NIPBL: variants seen among roughly 807,000 people sequenced by gnomAD.
The protein encoded by NIPBL is nipped-B-like protein.
In NIPBL, 19 loss-of-function variants were observed where a neutral mutation model predicts 321.8. The ratio of observed to expected loss-of-function variants is 0.06; its 90% CI spans 0.04 to 0.09. NIPBL has a LOEUF of 0.09. NIPBL is among the 10% of genes least tolerant of loss of function. The pLI, the probability that NIPBL is intolerant of heterozygous loss-of-function variation, is 1.00. For missense variants in NIPBL, 2,210 were observed against 3,327.0 expected, an observed-to-expected ratio of 0.66 and a Z score of 8.26; for synonymous variants, 1,106 against 1,114.1, an observed-to-expected ratio of 0.99 and a Z score of 0.14.
chr5:36,929,014 G>T (rs1338089584), intron 1 of NIPBL, among the ~76,000 whole-genome samples: 4 of 151,886 alleles, frequency 2.6e-5, no homozygotes, highest in African/African-American at 9.7e-5. Flanking sequence ...ATTTATCTTG[G>T]ATACATTCCT....
chr5:36,977,724 C>T (rs1038553625), intron 9 of NIPBL, among the ~76,000 whole-genome samples: 1 of 151,248 alleles, frequency 6.6e-6, no homozygotes, highest in African/African-American at 2.4e-5. Flanking sequence ...GATCATAGTA[C>T]CCATTAGATA....
At chr5:36,952,828 A>G (rs1483893911) in intron 1 of NIPBL, among the ~76,000 whole-genome samples, 3 of 152,230 alleles carry the variant, frequency 2.0e-5, no homozygotes, top group Non-Finnish European at 2.9e-5. Flanking sequence ...ATGAACATTA[A>G]GTAATCGTGC....
intron 33 of NIPBL, among the ~76,000 whole-genome samples, chr5:37,037,586 C>A (rs1461767101): frequency 6.7e-6 from 1 of 150,328 alleles, no homozygotes; most frequent in African/African-American, 2.4e-5. Flanking sequence ...CCATTTATGG[C>A]ACCTACGGAA....
chr5:37,052,022 A>T (rs980862039), intron 41 of NIPBL, 136 bp downstream of exon 41: 1 of 738,334 alleles, frequency 1.4e-6, no homozygotes, highest in Non-Finnish European at 2.4e-6. Flanking sequence ...ACATGCAACT[A>T]AGTTAGTCTT....
intron 1 of NIPBL, among the ~76,000 whole-genome samples, chr5:36,930,033 C>T (rs1193080802): frequency 6.6e-6 from 1 of 151,746 alleles, no homozygotes; most frequent in Non-Finnish European, 1.5e-5. Flanking sequence ...CAACTTTTTT[C>T]TTCACTAAAT....
intron 44 of NIPBL, among the ~76,000 whole-genome samples, chr5:37,060,325 A>AT: frequency 6.6e-6 from 1 of 152,022 alleles, no homozygotes; most frequent in Admixed American, 6.6e-5. Flanking sequence ...CACCCAGCTA[A>AT]TTTTTTTTAT....
At position 36,984,908 on chromosome 5, in the gene NIPBL, A is replaced by G. The variant is rs752980414; in HGVS notation, c.1728A>G (p.Ala576=). The G allele has an allele frequency of 2.5e-6, 4 of 1,613,874 alleles. No individual in the cohort carries two copies. Among genetic ancestry groups the G allele is most frequent in the Non-Finnish European group, 3.4e-6 (4 of 1,179,890 alleles). ...KPEEIKQCND[A]PVSVLQEDIV... ...AAGAAATCAAACAATGTAATGATGC[A>G]CCTGTTTCTGTTCTTCAGGAAGATA... is the stretch of plus-strand genomic sequence containing the variant. The change falls in exon 10 of 47, where the codon GCA becomes GCG. Residue 576 remains alanine (A), a synonymous_variant. Coordinates refer to ENST00000282516, the MANE Select transcript of NIPBL (RefSeq NM_133433.4).
In NIPBL at chr5:37,052,426, C is replaced by A. The variant is rs1753663268; in HGVS notation, c.7123C>A (p.Leu2375Ile). 3 of 1,613,932 alleles carry A rather than the reference C, an allele frequency of 1.9e-6. No individual in the cohort carries two copies. Among genetic ancestry groups the A allele is most frequent in the Non-Finnish European group, 2.5e-6 (3 of 1,179,990 alleles). Residue 2375 changes from leucine (L) to isoleucine (I), a missense_variant, in exon 42 of 47, where the codon CTA (leucine) becomes ATA (isoleucine). By Grantham distance (5) the Leu-to-Ile change is conservative. Transcript: ENST00000282516. ...YQVQQAINTC[L>I]KDPVRGFRQD... Reference sequence around the variant, plus strand: ...GGTACAACAGGCAATCAACACATGCCTAAAAGATCCTGTAAGGGGTTTCAG... The same window carrying A: ...GGTACAACAGGCAATCAACACATGCATAAAAGATCCTGTAAGGGGTTTCAG...
chr5:36,941,302 G>A (rs1466949383), intron 1 of NIPBL, among the ~76,000 whole-genome samples: 2 of 151,944 alleles, frequency 1.3e-5, no homozygotes. Context: ...CATAATTTTA[G>A]AAACCGATCT....
At chr5:36,877,409 G>A (rs146872847) in intron 1 of NIPBL, among the ~76,000 whole-genome samples, 514 of 152,326 alleles carry the variant, frequency 3.4e-3, no homozygotes, top group African/African-American at 0.012. Flanking sequence ...CTGGGCGGCC[G>A]GGGAGGCGTA....
In NIPBL at chr5:37,048,561, A is replaced by C. The variant is rs1287039244; in HGVS notation, c.6649A>C (p.Asn2217His). ...CGAGCAAGAAGTGAAGAATCTATAT[A>C]ATAATATTTTATCTGATAAGAACTC... ...MFEQEVKNLYNNILSDKNSSV... is the reference protein window; with the variant it reads ...MFEQEVKNLYHNILSDKNSSV... The change falls in exon 39 of 47, where the codon AAT becomes CAT. Residue 2217 changes from asparagine to histidine, a missense_variant. Around this residue, in one of 14 missense-constraint regions of NIPBL, gnomAD observed 40 missense variants for 55.3 expected, o/e 0.72. Transcript: ENST00000282516. The C allele has an allele frequency of 6.3e-7, 1 of 1,590,172 alleles. No homozygotes were observed. Among genetic ancestry groups the C allele is most frequent in the Admixed American group, 1.7e-5 (1 of 58,560 alleles).
chr5:36,914,047 G>A (rs1163413384), intron 1 of NIPBL, among the ~76,000 whole-genome samples: 1 of 152,194 alleles, frequency 6.6e-6, no homozygotes, highest in Non-Finnish European at 1.5e-5. Context: ...TTCTGACAGT[G>A]TATATCTGTA....
intron 1 of NIPBL, among the ~76,000 whole-genome samples, chr5:36,923,165 G>A (rs1028831719): frequency 1.3e-5 from 2 of 151,862 alleles, no homozygotes; most frequent in East Asian, 1.9e-4. Context: ...AATTAGCTGG[G>A]TGTGGTGGCG....
intron 2 of NIPBL, among the ~76,000 whole-genome samples, chr5:36,954,605 T>G (rs1472107707): frequency 6.6e-6 from 1 of 152,216 alleles, no homozygotes; most frequent in South Asian, 2.1e-4. Context: ...CAGGAATTTC[T>G]TTTTGGTTTT....
chr5:37,028,676 A>C (rs1750604319), intron 32 of NIPBL, among the ~76,000 whole-genome samples: 1 of 152,156 alleles, frequency 6.6e-6, no homozygotes, highest in South Asian at 2.1e-4. Flanking sequence ...ACTTTATATT[A>C]TCTCATTCAT....
chr5:37,044,618 A>AT lies in NIPBL; in HGVS notation c.6250-14dup. On this transcript the variant is annotated splice_polypyrimidine_tract_variant and intron_variant, in intron 35 of 46. Transcript: ENST00000282516. ...GTATATTTTTAACTTTTATCTAAAC[A>AT]TTTTCTATATCTTTTAGGTAGTGCA... 2 of 1,606,180 alleles carry AT rather than the reference A, an allele frequency of 1.2e-6. No homozygotes were observed. Among genetic ancestry groups the AT allele is most frequent in the Non-Finnish European group, 1.7e-6 (2 of 1,174,214 alleles).
intron 14 of NIPBL, among the ~76,000 whole-genome samples, chr5:37,002,270 T>G (rs909994236): frequency 6.6e-6 from 1 of 152,070 alleles, no homozygotes; most frequent in Non-Finnish European, 1.5e-5. Flanking sequence ...GAGTAAGAGA[T>G]ATAAATACTT....
At chr5:36,929,037 GC>G (rs1382700405) in intron 1 of NIPBL, among the ~76,000 whole-genome samples, 1 of 151,414 alleles carries the variant, frequency 6.6e-6, no homozygotes, top group Non-Finnish European at 1.5e-5. Flanking sequence ...GAATGGAATT[GC>G]TGGGTCATAT....
chr5:36,932,911 C>CTTCA (rs1749889934), intron 1 of NIPBL, among the ~76,000 whole-genome samples: 1 of 150,938 alleles, frequency 6.6e-6, no homozygotes, highest in Non-Finnish European at 1.5e-5. Context: ...GATCCTTTCA[C>CTTCA]TTCAGCCTTG....
Sources: gnomAD v4.1 joint callset for allele counts (sites outside exome capture counted in the v4.1 genomes callset) on GRCh38, gnomAD v4.1.1 for gene constraint, gnomAD v4.1.1 regional missense constraint, MANE v1.5 for transcripts, NCBI Gene and HGNC (gene_info 2026-07-23, HGNC 2026-07-21) for gene names.